The following HMGB4 variants were observed in gnomAD, a reference collection of about 807,000 sequenced individuals.
The protein encoded by HMGB4 is high mobility group protein B4.
For synonymous variants in HMGB4, 82 were observed against 84.9 expected, an observed-to-expected ratio of 0.97 and a Z score of 0.19; for missense variants, 217 against 220.4, an observed-to-expected ratio of 0.98 and a Z score of 0.10.
At chr1:33,860,793 G>C (rs762130313), upstream of HMGB4, 5 of 152,228 alleles carry the variant, frequency 3.3e-5, no homozygotes, top group Non-Finnish European at 5.9e-5. Flanking sequence ...CAAGTAAAGA[G>C]GATCTCACAG....
rs1639792941 is a variant in HMGB4, at chr1:33,864,333, A to T, written c.142A>T (p.Lys48Ter). The T allele has an allele frequency of 6.2e-7, 1 of 1,613,784 alleles. No individual in the cohort carries two copies. Among genetic ancestry groups the T allele is most frequent in the Non-Finnish European group, 8.5e-7 (1 of 1,179,854 alleles). Residue 48 changes from lysine (K) to a stop codon, truncating the protein, a stop_gained, in exon 1 of 1, where the codon AAA (lysine) becomes TAA (stop). Coordinates refer to ENST00000681531, the MANE Select transcript of HMGB4 (RefSeq NM_001379301.1). LOFTEE classifies it low-confidence loss of function (END_TRUNC). ...FKEFSRKCSE[K>*]WRSISKHEKA... ...AGAGTTCTCTAGAAAGTGTTCGGAA[A>T]AATGGAGATCCATCTCAAAGCATGA...
At chr1:33,862,343 C>CCGTGTG (rs1639585368), upstream of HMGB4, 1 of 114,006 alleles carries the variant, frequency 8.8e-6, no homozygotes, top group Non-Finnish European at 1.8e-5. Context: ...ATAAGCTACT[C>CCGTGTG]TGTGTGTGTG....
At chr1:33,864,020 CCT>C (rs1328102416), upstream of HMGB4, 41 of 618,190 alleles carry the variant, frequency 6.6e-5, no homozygotes, top group Non-Finnish European at 1.1e-4. Flanking sequence ...CAGTTTCCCT[CCT>C]CTGACTCAAC....
At position 33,864,774 on chromosome 1, in the gene HMGB4, A is replaced by G. The variant is rs1269050979; in HGVS notation, c.*22A>G. ...CTGATGGATCCAGTTTGAAAAAACAAAATGCCATTCAACCGTATTTCCTGT... is the reference window on the plus strand; with the variant it reads ...CTGATGGATCCAGTTTGAAAAAACAGAATGCCATTCAACCGTATTTCCTGT... On this transcript the variant is annotated 3_prime_UTR_variant, in exon 1 of 1. Coordinates refer to ENST00000681531, the MANE Select transcript of HMGB4 (RefSeq NM_001379301.1). The G allele has an allele frequency of 6.4e-7, 1 of 1,573,488 alleles. No homozygotes were observed. The highest frequency in any genetic ancestry group is 2.2e-5 in the East Asian group (1 of 44,508).
rs377463443 is a variant in HMGB4, at chr1:33,864,472, G to A, written c.281G>A (p.Arg94Lys). The A allele has an allele frequency of 2.2e-5, 36 of 1,613,442 alleles. No individual in the cohort carries two copies. The African/African-American group carries it at 4.5e-4, about 20-fold the overall frequency. The change falls in exon 1 of 1, where the codon AGA (arginine) becomes AAA (lysine). Residue 94 changes from arginine to lysine, a missense_variant. By Grantham distance (26) the Arg-to-Lys change is conservative. Transcript: ENST00000681531. The stretch of plus-strand genomic sequence containing the variant: ...AGAAAGCGGGATCCCCAGGAACCCA[G>A]ACGGCCTCCATCATCCTTCCTACTC... ...KRRKRDPQEP[R>K]RPPSSFLLFC...
chr1:33,864,421 A>C lies in HMGB4; in HGVS notation c.230A>C (p.Asn77Thr), dbSNP rs1639803448. ...DKARYQEEMM[N>T]YVGKRKKRRK... is the part of the protein sequence containing the mutation. The stretch of plus-strand genomic sequence containing the variant: ...GCCCGATACCAGGAAGAAATGATGA[A>C]TTATGTTGGCAAGAGGAAGAAACGG... Residue 77 changes from asparagine to threonine, a missense_variant, in exon 1 of 1, where the codon AAT becomes ACT. Physicochemically the swap from Asn to Thr is moderately conservative, Grantham distance 65 (BLOSUM62 0). Transcript: ENST00000681531. The C allele has an allele frequency of 2.5e-6, 4 of 1,613,458 alleles. No individual in the cohort carries two copies. Among genetic ancestry groups the C allele is most frequent in the Non-Finnish European group, 3.4e-6 (4 of 1,179,402 alleles).
chr1:33,863,505 T>C (rs183538587), upstream of HMGB4: 28 of 152,326 alleles, frequency 1.8e-4, no homozygotes, highest in Middle Eastern at 0.014. Context: ...GAGTTCCAAC[T>C]CATAGCCCAA....
upstream of HMGB4, chr1:33,860,997 C>T (rs1043377113): frequency 6.6e-5 from 10 of 152,174 alleles, no homozygotes; most frequent in African/African-American, 2.4e-4. Context: ...ATCTCTATAT[C>T]TTCTCTGTGC....
upstream of HMGB4, among the ~76,000 whole-genome samples, chr1:33,861,695 T>C (rs993105227): frequency 2.6e-5 from 4 of 152,074 alleles, no homozygotes; most frequent in Admixed American, 2.6e-4. Context: ...ATTAAAATGA[T>C]TGGTGAGGGC....
At chr1:33,863,427 C>T (rs547740582), upstream of HMGB4, 1 of 152,270 alleles carries the variant, frequency 6.6e-6, no homozygotes, top group South Asian at 2.1e-4. Flanking sequence ...TCATGAACTC[C>T]AGTGTTAATT....
Position 33,864,487 on chromosome 1 carries a change from C to T in HMGB4, c.296C>T (p.Ser99Phe), listed in dbSNP as rs867842311. ...CAGGAACCCAGACGGCCTCCATCAT[C>T]CTTCCTACTCTTCTGCCAAGACCAC... is the stretch of plus-strand genomic sequence containing the variant. ...DPQEPRRPPS[S>F]FLLFCQDHYA... is the part of the protein sequence containing the mutation. Residue 99 changes from serine (S) to phenylalanine (F), a missense_variant, in exon 1 of 1, where the codon TCC (serine) becomes TTC (phenylalanine). Ser to Phe is a radical substitution (Grantham distance 155). Coordinates refer to ENST00000681531, the MANE Select transcript of HMGB4 (RefSeq NM_001379301.1). 1.2e-6 allele frequency: 2 copies of T among 1,613,586 alleles called. No individual in the cohort carries two copies.
At position 33,864,315 on chromosome 1, in the gene HMGB4, T is replaced by C. The variant is rs553564988; in HGVS notation, c.124T>C (p.Ser42Pro). Reference protein sequence around the residue: ...PNTYVGFKEFSRKCSEKWRSI... With the variant: ...PNTYVGFKEFPRKCSEKWRSI... ...TACCTATGTTGGCTTTAAAGAGTTCTCTAGAAAGTGTTCGGAAAAATGGAG... is the reference window on the plus strand; with the variant it reads ...TACCTATGTTGGCTTTAAAGAGTTCCCTAGAAAGTGTTCGGAAAAATGGAG... Residue 42 changes from serine (S) to proline (P), a missense_variant, in exon 1 of 1, where the codon TCT (serine) becomes CCT (proline). Ser to Pro is a moderately conservative substitution (Grantham distance 74). Transcript: ENST00000681531. The C allele has an allele frequency of 6.2e-7, 1 of 1,613,900 alleles. No individual in the cohort carries two copies. The highest frequency in any genetic ancestry group is 1.1e-5 in the South Asian group (1 of 91,078).
At chr1:33,861,975 T>C (rs934802279), upstream of HMGB4, among the ~76,000 whole-genome samples, 2 of 151,856 alleles carry the variant, frequency 1.3e-5, no homozygotes, top group African/African-American at 2.4e-5. Flanking sequence ...CAAAGTGAGA[T>C]GGAAACCAGA....
chr1:33,864,635 C>G lies in HMGB4; in HGVS notation c.444C>G (p.Leu148=). 1 of 1,613,902 alleles carries G rather than the reference C, an allele frequency of 6.2e-7. No individual in the cohort carries two copies. The highest frequency in any genetic ancestry group is 8.5e-7 in the Non-Finnish European group (1 of 1,179,994). The change falls in exon 1 of 1, where the codon CTC becomes CTG. Residue 148 remains leucine (L), a synonymous_variant. Coordinates refer to ENST00000681531, the MANE Select transcript of HMGB4 (RefSeq NM_001379301.1). The part of the protein sequence containing the change: ...EKHPYEQRVA[L]LRAKYFEELE... ...ACCCTTATGAGCAAAGAGTGGCTCT[C>G]CTGAGAGCTAAGTACTTCGAGGAAC...
upstream of HMGB4, chr1:33,862,967 C>T (rs1162268880): frequency 6.6e-6 from 1 of 152,214 alleles, no homozygotes; most frequent in African/African-American, 2.4e-5. Context: ...GCTGCTGAGA[C>T]CACATATCTG....
At position 33,864,474 on chromosome 1, in the gene HMGB4, C is replaced by T. The variant is rs200543241; in HGVS notation, c.283C>T (p.Arg95Trp). 56 of 1,613,298 alleles carry T rather than the reference C, an allele frequency of 3.5e-5. No individual in the cohort carries two copies. The highest frequency in any genetic ancestry group is 1.6e-4 in the Middle Eastern group (1 of 6,080). ...AAAGCGGGATCCCCAGGAACCCAGACGGCCTCCATCATCCTTCCTACTCTT... is the reference window on the plus strand; with the variant it reads ...AAAGCGGGATCCCCAGGAACCCAGATGGCCTCCATCATCCTTCCTACTCTT... Reference protein sequence around the residue: ...RRKRDPQEPRRPPSSFLLFCQ... With the variant: ...RRKRDPQEPRWPPSSFLLFCQ... Residue 95 changes from arginine to tryptophan, a missense_variant, in exon 1 of 1, where the codon CGG (arginine) becomes TGG (tryptophan). Transcript: ENST00000681531.
chr1:33,861,833 C>T (rs994755724), upstream of HMGB4, among the ~76,000 whole-genome samples: 1 of 152,148 alleles, frequency 6.6e-6, no homozygotes, highest in African/African-American at 2.4e-5. Context: ...GAGAGGACAC[C>T]TTATGAGGAC....
Position 33,864,610 on chromosome 1 carries a change from AC to A in HMGB4, c.422del (p.Pro141LeufsTer9). ...TCAACAGCGACAGACCTGGAGAAGC[AC>A]CCTTATGAGCAAAGAGTGGCTCTCC... Reference protein sequence around the residue: ...MWSTATDLEKHPYEQRVALLR... With the variant: ...MWSTATDLEKXPYEQRVALLR... On this transcript the variant is annotated frameshift_variant, in exon 1 of 1. Coordinates refer to ENST00000681531, the MANE Select transcript of HMGB4 (RefSeq NM_001379301.1). LOFTEE classifies it low-confidence loss of function (END_TRUNC). 1 of 1,613,950 alleles carries A rather than the reference AC, an allele frequency of 6.2e-7. No homozygotes were observed. The highest frequency in any genetic ancestry group is 8.5e-7 in the Non-Finnish European group (1 of 1,180,002).
upstream of HMGB4, chr1:33,863,048 G>T (rs183369462): frequency 6.6e-6 from 1 of 152,172 alleles, no homozygotes; most frequent in African/African-American, 2.4e-5. Context: ...GCAATCAGCC[G>T]TCAAAATCCA....
Sources: allele counts gnomAD v4.1 joint callset (sites outside exome capture counted in the v4.1 genomes callset), GRCh38; gene constraint gnomAD v4.1.1; transcripts MANE v1.5; gene names NCBI Gene and HGNC (gene_info 2026-07-23, HGNC 2026-07-21).